Variants in IL1RAPL1 observed in about 807,000 individuals in gnomAD.
The protein encoded by IL1RAPL1 is interleukin 1 receptor accessory protein like 1.
A neutral mutation model predicts 48.4 loss-of-function variants in IL1RAPL1; 3 were observed. The observed-to-expected ratio is 0.06, with a 90% CI of 0.03 to 0.16. IL1RAPL1 has a LOEUF of 0.16. IL1RAPL1 is among the 10% of genes least tolerant of loss of function. The probability of loss-of-function intolerance (pLI) is 1.00; values close to 1 mark genes in which losing one functional copy is unlikely to be tolerated. For missense variants in IL1RAPL1, 349 were observed against 530.6 expected, an observed-to-expected ratio of 0.66 and a Z score of 3.36; for synonymous variants, 185 against 187.7, an observed-to-expected ratio of 0.99 and a Z score of 0.12.
chrX:28,956,199 A>G (rs1264769366), intron 2 of IL1RAPL1, among the ~76,000 whole-genome samples: 178 of 108,224 alleles, frequency 1.6e-3, no homozygotes, highest in African/African-American at 5.8e-3. Flanking sequence ...CAATCATGTC[A>G]TCTGCAAAGA....
intron 5 of IL1RAPL1, among the ~76,000 whole-genome samples, chrX:29,407,205 C>A (rs964671767): frequency 5.4e-5 from 6 of 111,441 alleles, no homozygotes; most frequent in African/African-American, 2.0e-4. Context: ...CCCATAGAAG[C>A]CCCCATATGC....
chrX:29,251,927 A>G (rs1467199235), intron 2 of IL1RAPL1, among the ~76,000 whole-genome samples: 1 of 111,237 alleles, frequency 9.0e-6, no homozygotes, highest in Non-Finnish European at 1.9e-5. Flanking sequence ...ATGGAATACT[A>G]TGCAGCCATA....
chrX:29,641,279 T>A (rs1200432432), intron 5 of IL1RAPL1, among the ~76,000 whole-genome samples: 6 of 113,124 alleles, frequency 5.3e-5, no homozygotes, highest in Non-Finnish European at 1.1e-4. Flanking sequence ...GATCAGACTG[T>A]CTCATACTTG....
At chrX:29,860,474 T>C (rs1473713688) in intron 6 of IL1RAPL1, among the ~76,000 whole-genome samples, 1 of 111,278 alleles carries the variant, frequency 9.0e-6, no homozygotes, top group Non-Finnish European at 1.9e-5. Context: ...ACCTGTCATC[T>C]ACCTTAGGTA....
intron 2 of IL1RAPL1, among the ~76,000 whole-genome samples, chrX:29,157,893 C>CTAT (rs2147503007): frequency 9.0e-6 from 1 of 111,541 alleles, no homozygotes; most frequent in Admixed American, 9.6e-5. Context: ...TTTAGTTCCC[C>CTAT]TATTAAATCA....
At chrX:29,351,788 T>G (rs750260009) in intron 3 of IL1RAPL1, among the ~76,000 whole-genome samples, 1 of 111,969 alleles carries the variant, frequency 8.9e-6, no homozygotes, top group African/African-American at 3.2e-5. Context: ...TCTTAACTTT[T>G]GTGCTTTTAT....
At chrX:29,171,532 C>T (rs966790668) in intron 2 of IL1RAPL1, among the ~76,000 whole-genome samples, 2 of 111,540 alleles carry the variant, frequency 1.8e-5, no homozygotes, top group Admixed American at 1.9e-4. Context: ...GATATTAATT[C>T]TATTGTCTCT....
intron 6 of IL1RAPL1, among the ~76,000 whole-genome samples, chrX:29,676,117 A>G (rs1332993545): frequency 9.0e-6 from 1 of 111,675 alleles, no homozygotes; most frequent in Non-Finnish European, 1.9e-5. Flanking sequence ...ATTTACTTCT[A>G]GTGTGACCTT....
At chrX:29,807,621 CAAAAAAAAAAAAAAA>C (rs60391165) in intron 6 of IL1RAPL1, among the ~76,000 whole-genome samples, 1 of 26,030 alleles carries the variant, frequency 3.8e-5, no homozygotes, top group African/African-American at 1.2e-4. Context: ...TCTCTCAAGA[CAAAAAAAAAAAAAAA>C]AAAAAAAAAA....
intron 6 of IL1RAPL1, among the ~76,000 whole-genome samples, chrX:29,815,145 C>T (rs933046158): frequency 9.0e-6 from 1 of 111,323 alleles, no homozygotes; most frequent in African/African-American, 3.3e-5. Flanking sequence ...GCAGGAATAA[C>T]GCTGAATCTA....
At chrX:29,005,178 A>G (rs1362657127) in intron 2 of IL1RAPL1, among the ~76,000 whole-genome samples, 1 of 112,137 alleles carries the variant, frequency 8.9e-6, no homozygotes, top group Admixed American at 9.5e-5. Context: ...GAACTAATTA[A>G]ACAAAAGTGA....
intron 1 of IL1RAPL1, among the ~76,000 whole-genome samples, chrX:28,724,107 G>C (rs949927599): frequency 6.3e-5 from 7 of 111,719 alleles, no homozygotes; most frequent in Non-Finnish European, 1.3e-4. Flanking sequence ...ATGTCTATTA[G>C]GTCTGCTTGT....
Position 29,085,738 on chromosome X carries a change from A to G in IL1RAPL1, c.83-197200A>G, listed in dbSNP as rs1927939685. ...TGGGCACGATAGCAAATTGGAGAGC[A>G]TGGATGATAAACTGGAGAGCTACAG... On this transcript the variant is annotated intron_variant, in intron 2 of 10. Transcript: ENST00000378993. Among the ~76,000 whole-genome samples, 8 of 111,764 alleles carry G rather than the reference A, an allele frequency of 7.2e-5. No homozygotes were observed. In the South Asian group the frequency reaches 3.0e-3, roughly 42 times the overall value.
chrX:29,666,399 A>AC (rs760824057), intron 5 of IL1RAPL1, among the ~76,000 whole-genome samples: 260 of 110,667 alleles, frequency 2.3e-3, no homozygotes, highest in Non-Finnish European at 4.4e-3. Context: ...CCCAAACTCC[A>AC]CCTACTCAGA....
chrX:29,048,205 T>C (rs995923722), intron 2 of IL1RAPL1, among the ~76,000 whole-genome samples: 2 of 112,110 alleles, frequency 1.8e-5, no homozygotes, highest in Admixed American at 1.9e-4. Flanking sequence ...TGTAATGTAG[T>C]TCAACTTACT....
At chrX:29,767,785 G>A (rs1296172686) in intron 6 of IL1RAPL1, among the ~76,000 whole-genome samples, 1 of 111,269 alleles carries the variant, frequency 9.0e-6, no homozygotes, top group African/African-American at 3.3e-5. Flanking sequence ...GTAAACTTCT[G>A]GTATCTGATC....
chrX:28,817,667 A>T (rs984398350), intron 2 of IL1RAPL1, among the ~76,000 whole-genome samples: 7 of 111,560 alleles, frequency 6.3e-5, no homozygotes, highest in African/African-American at 2.3e-4. Flanking sequence ...AATTTTGGTA[A>T]CTTTTAAAAA....
intron 2 of IL1RAPL1, among the ~76,000 whole-genome samples, chrX:29,072,766 C>A (rs1404108472): frequency 8.9e-6 from 1 of 112,128 alleles, no homozygotes; most frequent in Non-Finnish European, 1.9e-5. Context: ...ACTCTAAACT[C>A]TAAACTCTGA....
At position 29,803,687 on chromosome X, in the gene IL1RAPL1, TTG is replaced by T. The variant is rs200013483; in HGVS notation, c.779-113771_779-113770del. Among the ~76,000 whole-genome samples, 845 of 106,775 alleles carry T rather than the reference TTG, an allele frequency of 7.9e-3. 7 individuals carry two copies. The highest frequency in any genetic ancestry group is 0.022 in the African/African-American group (648 of 29,540). The allele number at this position is 106,775 out of a possible 115,157, so 92.7% of individuals were successfully genotyped here. A position where few individuals can be genotyped will look rare whatever the true frequency, so the allele number is the denominator to read the frequency against. On this transcript the variant is annotated intron_variant, in intron 6 of 10. Coordinates refer to ENST00000378993, the MANE Select transcript of IL1RAPL1 (RefSeq NM_014271.4). ...CACACACACAATTTATGTGCATGAA[TTG>T]TGTGTTTTTATTTTGATTATAACTT...
Sources: gnomAD v4.1 joint callset for allele counts (sites outside exome capture counted in the v4.1 genomes callset) on GRCh38, gnomAD v4.1.1 for gene constraint, MANE v1.5 for transcripts, NCBI Gene and HGNC (gene_info 2026-07-23, HGNC 2026-07-21) for gene names.